The following CACNA1E variants were observed in gnomAD, a reference collection of about 807,000 sequenced individuals.
CACNA1E encodes voltage-dependent R-type calcium channel subunit alpha-1E.
A neutral mutation model predicts 259.2 loss-of-function variants in CACNA1E; 40 were observed. That is an observed-to-expected ratio of 0.15 (90% CI 0.12 to 0.20). The LOEUF is 0.20. Ranked by LOEUF, CACNA1E falls within the 10% of genes least tolerant of loss-of-function variation. The pLI is 1.00. For missense variants in CACNA1E, 1,874 were observed against 3,040.1 expected (o/e 0.62, Z 9.02); for synonymous variants, 1,104 against 1,138.5 (o/e 0.97, Z 0.61).
intron 3 of CACNA1E, among the ~76,000 whole-genome samples, chr1:181,572,171 C>A (rs1042111895): frequency 6.6e-6 from 1 of 152,062 alleles, no homozygotes; most frequent in Non-Finnish European, 1.5e-5. Flanking sequence ...ATATTATAGA[C>A]CTGGATTGAC....
intron 21 of CACNA1E, 75 bp from the exon 22 acceptor site, chr1:181,736,200 C>T: frequency 6.7e-7 from 1 of 1,503,256 alleles, no homozygotes; most frequent in Non-Finnish European, 8.9e-7. Flanking sequence ...CTCCTTTCAT[C>T]CCCAACTAAA....
intron 1 of CACNA1E, among the ~76,000 whole-genome samples, chr1:181,372,809 AATAT>A (rs147359778): frequency 7.7e-5 from 11 of 143,666 alleles, no homozygotes; most frequent in African/African-American, 2.0e-4. Flanking sequence ...AGGGATGTTG[AATAT>A]ATATATATAT....
chr1:181,577,262 A>G (rs1651068366), intron 3 of CACNA1E, among the ~76,000 whole-genome samples: 1 of 152,236 alleles, frequency 6.6e-6, no homozygotes, highest in African/African-American at 2.4e-5. Context: ...CTCCAGTTGC[A>G]AGCATCAGCA....
At chr1:181,680,567 T>C (rs1649852306) in intron 7 of CACNA1E, among the ~76,000 whole-genome samples, 2 of 152,146 alleles carry the variant, frequency 1.3e-5, no homozygotes, top group African/African-American at 2.4e-5. Flanking sequence ...CCCACCCTGC[T>C]TCTCACACGC....
chr1:181,430,317 C>T (rs995353352), intron 2 of CACNA1E, among the ~76,000 whole-genome samples: 1 of 152,176 alleles, frequency 6.6e-6, no homozygotes, highest in African/African-American at 2.4e-5. Flanking sequence ...GAAGAAAGTC[C>T]TCTGCCACAG....
chr1:181,325,487 A>C (rs112328992), intron 1 of CACNA1E, among the ~76,000 whole-genome samples: 66 of 152,202 alleles, frequency 4.3e-4, no homozygotes, highest in African/African-American at 1.6e-3. Context: ...AGGCATTCAA[A>C]TTCTCATGCC....
intron 25 of CACNA1E, among the ~76,000 whole-genome samples, chr1:181,741,655 G>T (rs1222043779): frequency 6.6e-6 from 1 of 152,200 alleles, no homozygotes; most frequent in Non-Finnish European, 1.5e-5. Flanking sequence ...CTGCATGCCT[G>T]CCCATTGTCC....
At chr1:181,373,837 T>C (rs1654894039) in intron 1 of CACNA1E, among the ~76,000 whole-genome samples, 1 of 152,212 alleles carries the variant, frequency 6.6e-6, no homozygotes, top group African/African-American at 2.4e-5. Context: ...AGGTAGATTT[T>C]AGAGGCAGAC....
intron 3 of CACNA1E, among the ~76,000 whole-genome samples, chr1:181,555,847 G>A (rs1364248498): frequency 2.0e-5 from 3 of 152,218 alleles, no homozygotes; most frequent in Non-Finnish European, 4.4e-5. Context: ...TACCTGAACT[G>A]TGGCTCCTGC....
chr1:181,447,820 C>G (rs565116442), intron 2 of CACNA1E, among the ~76,000 whole-genome samples: 1 of 152,172 alleles, frequency 6.6e-6, no homozygotes, highest in African/African-American at 2.4e-5. Flanking sequence ...CAGTTTCCTT[C>G]CCTTGCTGGC....
At chr1:181,704,872 A>T (rs1340740337) in intron 7 of CACNA1E, among the ~76,000 whole-genome samples, 2 of 152,174 alleles carry the variant, frequency 1.3e-5, no homozygotes, top group Admixed American at 6.5e-5. Flanking sequence ...TTCTTACCCC[A>T]GCCGACCTAC....
intron 7 of CACNA1E, among the ~76,000 whole-genome samples, chr1:181,704,787 C>T (rs1288175451): frequency 1.3e-5 from 2 of 152,148 alleles, no homozygotes; most frequent in African/African-American, 2.4e-5. Flanking sequence ...AAACAAAGCT[C>T]CCTGCATGGA....
chr1:181,704,196 C>A (rs1302308407), intron 7 of CACNA1E, among the ~76,000 whole-genome samples: 1 of 152,116 alleles, frequency 6.6e-6, no homozygotes, highest in Non-Finnish European at 1.5e-5. Flanking sequence ...TTTAATACTG[C>A]TGAACTCTAT....
At chr1:181,556,171 G>C (rs558975808) in intron 3 of CACNA1E, among the ~76,000 whole-genome samples, 1 of 152,084 alleles carries the variant, frequency 6.6e-6, no homozygotes, top group Non-Finnish European at 1.5e-5. Flanking sequence ...CTTCAAATTC[G>C]TTATAGACTA....
At chr1:181,781,278 T>C (rs1660402786) in intron 38 of CACNA1E, 149 bp from the exon 39 acceptor site, 1 of 609,688 alleles carries the variant, frequency 1.6e-6, no homozygotes, top group South Asian at 2.0e-5. Context: ...TTCTCCTGTT[T>C]TCTGTATTTT....
intron 26 of CACNA1E, 82 bp from the exon 27 acceptor site, chr1:181,752,061 G>T: frequency 2.0e-6 from 2 of 991,966 alleles, no homozygotes; most frequent in South Asian, 2.6e-5. Flanking sequence ...CTTTTAGCCT[G>T]TTGTTACTAA....
At chr1:181,714,868 C>T (rs1321635900) in intron 8 of CACNA1E, among the ~76,000 whole-genome samples, 1 of 152,106 alleles carries the variant, frequency 6.6e-6, no homozygotes, top group Non-Finnish European at 1.5e-5. Context: ...TCCTCAGAGA[C>T]ATAGAATAAA....
intron 16 of CACNA1E, among the ~76,000 whole-genome samples, chr1:181,724,039 T>C (rs993585379): frequency 6.6e-6 from 1 of 152,158 alleles, no homozygotes; most frequent in African/African-American, 2.4e-5. Flanking sequence ...GTTCCAACTC[T>C]CTAATCATGC....
chr1:181,651,463 T>G, intron 7 of CACNA1E, 22 bp downstream of exon 7: 2 of 1,536,604 alleles, frequency 1.3e-6, no homozygotes, highest in Non-Finnish European at 1.8e-6. Flanking sequence ...GTTTCTCTCT[T>G]CTTAACTCAT....
Sources: allele counts gnomAD v4.1 joint callset (sites outside exome capture counted in the v4.1 genomes callset), GRCh38; gene constraint gnomAD v4.1.1; transcripts MANE v1.5; gene names NCBI Gene and HGNC (gene_info 2026-07-23, HGNC 2026-07-21).